FAM227B: variants seen among roughly 807,000 people sequenced by gnomAD.
FAM227B encodes the protein protein FAM227B.
A neutral mutation model predicts 73.8 loss-of-function variants in FAM227B; 88 were observed. The observed-to-expected ratio is 1.19, with a 90% CI of 1.00 to 1.42. The LOEUF is 1.42. Among genes scored for constraint, FAM227B ranks in the 40% most tolerant of loss-of-function variants. The pLI, the probability that FAM227B is intolerant of heterozygous loss-of-function variation, is 0.00. For synonymous variants in FAM227B, 210 were observed against 190.5 expected (o/e 1.10, Z -0.84); for missense variants, 632 against 590.9 (o/e 1.07, Z -0.72).
chr15:49,478,418 C>T (rs565588763), intron 11 of FAM227B, among the ~76,000 whole-genome samples: 92 of 150,870 alleles, frequency 6.1e-4, no homozygotes, highest in African/African-American at 2.1e-3. Context: ...ATGTATATGT[C>T]GGTGTATTTT....
intron 15 of FAM227B, chr15:49,329,829 CT>C (rs2038277752): frequency 6.4e-6 from 4 of 620,920 alleles, no homozygotes; most frequent in African/African-American, 2.0e-5. Flanking sequence ...AAAAAGGCAC[CT>C]GTCATTGTTT....
chr15:49,456,065 A>T (rs17479205), intron 11 of FAM227B, among the ~76,000 whole-genome samples: 30,337 of 152,106 alleles, frequency 0.2, 3,283 homozygotes, highest in South Asian at 0.34. Flanking sequence ...CACTTCTGCC[A>T]TTCACTAACT....
chr15:49,550,247 G>A (rs1330414497), intron 9 of FAM227B, among the ~76,000 whole-genome samples: 17 of 145,552 alleles, frequency 1.2e-4, no homozygotes, highest in African/African-American at 3.6e-4. Context: ...GCGGCTGGCC[G>A]GGCAGAGGGG....
chr15:49,598,956 T>C (rs1038399560), intron 3 of FAM227B, among the ~76,000 whole-genome samples: 4 of 152,042 alleles, frequency 2.6e-5, no homozygotes, highest in African/African-American at 9.7e-5. Context: ...CCTAGCCTCA[T>C]CAAATAAATT....
At chr15:49,402,191 C>T (rs2048210186) in intron 11 of FAM227B, among the ~76,000 whole-genome samples, 1 of 152,000 alleles carries the variant, frequency 6.6e-6, no homozygotes, top group South Asian at 2.1e-4. Context: ...TAAAATACTG[C>T]AAGACAAGCA....
intron 9 of FAM227B, among the ~76,000 whole-genome samples, chr15:49,551,081 A>T (rs955251973): frequency 1.3e-5 from 2 of 152,226 alleles, no homozygotes; most frequent in Admixed American, 6.5e-5. Context: ...GGAGCTGGAG[A>T]CCAGCCCAGC....
At chr15:49,370,137 T>C (rs2045713148) in intron 12 of FAM227B, among the ~76,000 whole-genome samples, 1 of 152,166 alleles carries the variant, frequency 6.6e-6, no homozygotes, top group Non-Finnish European at 1.5e-5. Flanking sequence ...GAGAAATGAA[T>C]TTCTGTTGTT....
chr15:49,561,860 A>G (rs1275696401), intron 9 of FAM227B, among the ~76,000 whole-genome samples: 1 of 152,172 alleles, frequency 6.6e-6, no homozygotes, highest in Non-Finnish European at 1.5e-5. Context: ...TGTTAAGAGC[A>G]AAGTTGATAG....
Position 49,328,509 on chromosome 15 carries a change from A to AAAC in FAM227B, c.*56_*58dup. On this transcript the variant is annotated 3_prime_UTR_variant, in exon 16 of 16. Coordinates refer to ENST00000299338, the MANE Select transcript of FAM227B (RefSeq NM_152647.3). Reference sequence around the variant, plus strand: ...TTGAATTAAATATATTGTTACAATTAAACTGATACCACTGAATTGTATGCA... The same window carrying AAAC: ...TTGAATTAAATATATTGTTACAATTAAACAACTGATACCACTGAATTGTATGCA... 1 of 1,594,234 alleles carries AAAC rather than the reference A, an allele frequency of 6.3e-7. No individual in the cohort carries two copies. Among genetic ancestry groups the AAAC allele is most frequent in the Non-Finnish European group, 8.6e-7 (1 of 1,168,168 alleles).
At chr15:49,550,856 C>T (rs562920987) in intron 9 of FAM227B, among the ~76,000 whole-genome samples, 41 of 151,974 alleles carry the variant, frequency 2.7e-4, no homozygotes, top group East Asian at 7.8e-4. Context: ...CAGGCAGAGA[C>T]GCTCCTCACT....
chr15:49,551,214 T>C (rs2072953815), intron 9 of FAM227B, among the ~76,000 whole-genome samples: 1 of 152,002 alleles, frequency 6.6e-6, no homozygotes, highest in Admixed American at 6.6e-5. Flanking sequence ...GAGGTTGCAG[T>C]GGGCCGAGAT....
At chr15:49,588,746 ATGTG>A (rs947797920) in intron 4 of FAM227B, among the ~76,000 whole-genome samples, 3 of 150,838 alleles carry the variant, frequency 2.0e-5, no homozygotes, top group South Asian at 2.1e-4. Flanking sequence ...AGCTATATAT[ATGTG>A]TGTGTATTTA....
Position 49,328,389 on chromosome 15 carries a change from G to GATCTTTTAAGAATA in FAM227B, c.*165_*178dup, listed in dbSNP as rs2037893354. 6.7e-5 allele frequency: 96 copies of GATCTTTTAAGAATA among 1,427,304 alleles called. No homozygotes were observed. The South Asian group carries it at 1.3e-3, about 20-fold the overall frequency. The allele number at this position is 1,427,304 out of a possible 1,614,324, so 88.4% of individuals were successfully genotyped here. A position where few individuals can be genotyped will look rare whatever the true frequency, so the allele number is the denominator to read the frequency against. ...TAAGAGCCAAGATCATGCTTGGACA[G>GATCTTTTAAGAATA]ATCTTTTAAGAATAACTTACTGAGA... On this transcript the variant is annotated 3_prime_UTR_variant, in exon 16 of 16. Coordinates refer to ENST00000299338, the MANE Select transcript of FAM227B (RefSeq NM_152647.3).
intron 11 of FAM227B, among the ~76,000 whole-genome samples, chr15:49,379,423 C>T (rs2046377343): frequency 6.6e-6 from 1 of 152,048 alleles, no homozygotes; most frequent in East Asian, 1.9e-4. Flanking sequence ...AGATCCTGGG[C>T]TTTTCTTTAC....
chr15:49,393,228 A>G (rs1353871399), intron 11 of FAM227B, among the ~76,000 whole-genome samples: 1 of 152,190 alleles, frequency 6.6e-6, no homozygotes, highest in East Asian at 1.9e-4. Context: ...AATGTGAAAG[A>G]GAGAAAACTT....
chr15:49,509,111 T>G (rs925371725), intron 10 of FAM227B, among the ~76,000 whole-genome samples: 1 of 152,152 alleles, frequency 6.6e-6, no homozygotes, highest in Non-Finnish European at 1.5e-5. Context: ...TAGGCTTTAG[T>G]GCATAGGAGC....
At chr15:49,617,185 A>G (rs1189017780) in intron 1 of FAM227B, among the ~76,000 whole-genome samples, 1 of 152,226 alleles carries the variant, frequency 6.6e-6, no homozygotes. Context: ...ATAGAAAGCT[A>G]AAGATTATTA....
chr15:49,552,371 G>T (rs1421912893), intron 9 of FAM227B, among the ~76,000 whole-genome samples: 2 of 135,682 alleles, frequency 1.5e-5, no homozygotes, highest in African/African-American at 3.0e-5. Context: ...GAGCATTATT[G>T]TATGTTGTTT....
intron 3 of FAM227B, among the ~76,000 whole-genome samples, chr15:49,591,029 G>GTTTTTTTTTTTTTTTTTT (rs71424023): frequency 9.5e-6 from 1 of 105,606 alleles, no homozygotes; most frequent in African/African-American, 3.5e-5. Context: ...TCTTTTTTTT[G>GTTTTTTTTTTTTTTTTTT]TTTTTTTTTT....
Sources: gnomAD v4.1 joint callset for allele counts (sites outside exome capture counted in the v4.1 genomes callset) on GRCh38, gnomAD v4.1.1 for gene constraint, MANE v1.5 for transcripts, NCBI Gene and HGNC (gene_info 2026-07-23, HGNC 2026-07-21) for gene names.